AFF3: variants seen among roughly 807,000 people sequenced by gnomAD.
The protein encoded by AFF3 is ALF transcription elongation factor 3.
Under a neutral mutation model 129.7 loss-of-function variants are expected in AFF3, and 32 were observed. The observed-to-expected ratio is 0.25, with a 90% CI of 0.19 to 0.33. The LOEUF (loss-of-function observed/expected upper bound fraction) is 0.33. Among genes scored for constraint, AFF3 ranks in the 10% least tolerant of loss-of-function variants. The pLI, the probability that AFF3 is intolerant of heterozygous loss-of-function variation, is 1.00. For synonymous variants in AFF3, 644 were observed against 635.4 expected, an observed-to-expected ratio of 1.01 and a Z score of -0.20; for missense variants, 1,373 against 1,592.0, an observed-to-expected ratio of 0.86 and a Z score of 2.34.
intron 7 of AFF3, among the ~76,000 whole-genome samples, chr2:99,935,422 G>A (rs1231682133): frequency 1.3e-5 from 2 of 152,200 alleles, no homozygotes; most frequent in Non-Finnish European, 2.9e-5. Flanking sequence ...ACTCTTTTAA[G>A]GGAGAGGGGA....
chr2:99,764,459 TGA>T (rs1021002576), intron 8 of AFF3, among the ~76,000 whole-genome samples: 1 of 152,226 alleles, frequency 6.6e-6, no homozygotes, highest in African/African-American at 2.4e-5. Context: ...GGGCAGAGGA[TGA>T]GAGTCACCTG....
intron 8 of AFF3, among the ~76,000 whole-genome samples, chr2:99,776,151 G>T (rs949901973): frequency 6.6e-6 from 1 of 152,122 alleles, no homozygotes; most frequent in East Asian, 1.9e-4. Context: ...TGGCATCGGG[G>T]GAAAAAAGGA....
At chr2:99,658,502 G>A (rs988524722) in intron 12 of AFF3, among the ~76,000 whole-genome samples, 9 of 152,124 alleles carry the variant, frequency 5.9e-5, no homozygotes, top group Non-Finnish European at 8.8e-5. Context: ...CTGTTACCAC[G>A]CCTGGCTAAT....
At chr2:99,960,629 C>T (rs1274878140) in intron 7 of AFF3, among the ~76,000 whole-genome samples, 1 of 152,174 alleles carries the variant, frequency 6.6e-6, no homozygotes, top group Non-Finnish European at 1.5e-5. Flanking sequence ...AGAAGTCAAG[C>T]TTGCTCTCTC....
chr2:99,672,812 T>A (rs983356178), intron 11 of AFF3, among the ~76,000 whole-genome samples: 3 of 152,182 alleles, frequency 2.0e-5, no homozygotes, highest in Admixed American at 6.5e-5. Flanking sequence ...ACAACAGTCA[T>A]CAGCTAAGAC....
At chr2:100,075,615 C>CA (rs879287838) in intron 4 of AFF3, among the ~76,000 whole-genome samples, 20 of 151,642 alleles carry the variant, frequency 1.3e-4, no homozygotes, top group Non-Finnish European at 2.4e-4. Flanking sequence ...CAACAGTGGC[C>CA]AAAAAAACTG....
At chr2:99,889,950 G>A (rs578154556) in intron 7 of AFF3, among the ~76,000 whole-genome samples, 8 of 152,260 alleles carry the variant, frequency 5.3e-5, no homozygotes, top group South Asian at 2.1e-4. Flanking sequence ...ATGAGCCACC[G>A]CATCCAGCCT....
At chr2:99,659,502 T>C (rs1356824852) in intron 12 of AFF3, among the ~76,000 whole-genome samples, 1 of 152,186 alleles carries the variant, frequency 6.6e-6, no homozygotes, top group African/African-American at 2.4e-5. Context: ...ATTTATCTTC[T>C]GGACAGCTGC....
intron 8 of AFF3, among the ~76,000 whole-genome samples, chr2:99,787,214 C>G (rs1218724606): frequency 6.6e-6 from 1 of 152,134 alleles, no homozygotes; most frequent in Non-Finnish European, 1.5e-5. Flanking sequence ...CCAACCGAAG[C>G]CAGAAGTGCT....
intron 7 of AFF3, among the ~76,000 whole-genome samples, chr2:99,847,965 C>A (rs1482921606): frequency 2.0e-5 from 3 of 152,008 alleles, no homozygotes; most frequent in Non-Finnish European, 4.4e-5. Flanking sequence ...AACAGTTGTA[C>A]AAAACAAAAG....
chr2:99,852,262 T>G (rs922330718), intron 7 of AFF3, among the ~76,000 whole-genome samples: 3 of 152,234 alleles, frequency 2.0e-5, no homozygotes, highest in African/African-American at 7.2e-5. Context: ...AATGCTTTCA[T>G]GTTGGCACTA....
intron 8 of AFF3, among the ~76,000 whole-genome samples, chr2:99,810,182 C>A (rs1437657309): frequency 6.6e-6 from 1 of 152,168 alleles, no homozygotes; most frequent in Non-Finnish European, 1.5e-5. Flanking sequence ...CACAGCCTAA[C>A]TGAAATGAGC....
chr2:100,013,369 C>T (rs1363061912), intron 4 of AFF3, among the ~76,000 whole-genome samples: 1 of 152,164 alleles, frequency 6.6e-6, no homozygotes, highest in Non-Finnish European at 1.5e-5. Context: ...CCTATATGTC[C>T]CTTAATTATC....
intron 9 of AFF3, among the ~76,000 whole-genome samples, chr2:99,748,552 C>T (rs1188496817): frequency 6.6e-6 from 1 of 152,150 alleles, no homozygotes; most frequent in Non-Finnish European, 1.5e-5. Context: ...CTGATCCCCT[C>T]CCCCTGGAAT....
chr2:99,908,347 C>A (rs187369659), intron 7 of AFF3, among the ~76,000 whole-genome samples: 7 of 152,126 alleles, frequency 4.6e-5, no homozygotes, highest in Non-Finnish European at 5.9e-5. Context: ...TAAAGACTTA[C>A]ATGTTAGACC....
intron 7 of AFF3, among the ~76,000 whole-genome samples, chr2:99,891,853 C>T (rs1305061715): frequency 2.0e-5 from 3 of 150,872 alleles, no homozygotes; most frequent in South Asian, 2.1e-4. Flanking sequence ...GACAGAGTCT[C>T]GCTCTGTTGC....
At chr2:100,084,982 T>C (rs1689306045) in intron 4 of AFF3, among the ~76,000 whole-genome samples, 1 of 151,886 alleles carries the variant, frequency 6.6e-6, no homozygotes, top group Admixed American at 6.6e-5. Context: ...TATTAGCATA[T>C]TGCATATAAA....
chr2:99,952,735 T>C (rs1676282477), intron 7 of AFF3, among the ~76,000 whole-genome samples: 1 of 152,214 alleles, frequency 6.6e-6, no homozygotes, highest in Non-Finnish European at 1.5e-5. Context: ...GTGTCATGTT[T>C]TCCTTTACAA....
chr2:100,040,788 G>C (rs1685359789), intron 4 of AFF3, among the ~76,000 whole-genome samples: 1 of 152,226 alleles, frequency 6.6e-6, no homozygotes. Flanking sequence ...CGTTGTTTTA[G>C]ACTGGCTGGA....
Sources: gnomAD v4.1 joint callset for allele counts (sites outside exome capture counted in the v4.1 genomes callset) on GRCh38, gnomAD v4.1.1 for gene constraint, MANE v1.5 for transcripts, NCBI Gene and HGNC (gene_info 2026-07-23, HGNC 2026-07-21) for gene names.